The following DNAJC9 variants were observed in gnomAD, a reference collection of about 807,000 sequenced individuals.
DNAJC9 encodes the protein dnaJ homolog subfamily C member 9.
Under a neutral mutation model 32.4 loss-of-function variants are expected in DNAJC9, and 18 were observed. That is an observed-to-expected ratio of 0.56 (90% CI 0.38 to 0.82). DNAJC9 has a LOEUF of 0.82. Among genes scored for constraint, DNAJC9 ranks in the 40% least tolerant of loss-of-function variants. The pLI is 0.00. For missense variants in DNAJC9, 310 were observed against 321.8 expected (o/e 0.96, Z 0.28); for synonymous variants, 113 against 122.1 (o/e 0.93, Z 0.49).
downstream of DNAJC9, among the ~76,000 whole-genome samples, chr10:73,240,344 G>T (rs1020278627): frequency 6.6e-6 from 1 of 152,172 alleles, no homozygotes; most frequent in African/African-American, 2.4e-5. Flanking sequence ...AGCATTGTCT[G>T]GTAGTCTTTG....
chr10:73,246,423 C>A (rs563318556), intron 2 of DNAJC9, among the ~76,000 whole-genome samples: 1 of 152,024 alleles, frequency 6.6e-6, no homozygotes, highest in East Asian at 1.9e-4. Flanking sequence ...AGAGGTGATC[C>A]GGAATCAGGA....
Position 73,243,420 on chromosome 10 carries a change from G to A in DNAJC9, c.763C>T (p.Leu255Phe), listed in dbSNP as rs546048289. The A allele has an allele frequency of 7.4e-4, 1,193 of 1,613,894 alleles. 20 individuals carry two copies. The South Asian group carries it at 0.012, about 17-fold the overall frequency. ...TTCCATTATTTCTTTTCTTTCTTGA[G>A]AGCAGATTTTTTCCCTCCTCCTTTG... Reference protein sequence around the residue: ...SSKGGGKKSALKKEKK With the variant: ...SSKGGGKKSAFKKEKK Residue 255 changes from leucine (L) to phenylalanine (F), a missense_variant, in exon 5 of 5, where the codon CTC becomes TTC. Leu to Phe is a conservative substitution (Grantham distance 22). Coordinates refer to ENST00000372950, the MANE Select transcript of DNAJC9 (RefSeq NM_015190.5).
downstream of DNAJC9, among the ~76,000 whole-genome samples, chr10:73,239,794 A>C (rs904675029): frequency 6.6e-6 from 1 of 152,176 alleles, no homozygotes; most frequent in Non-Finnish European, 1.5e-5. Context: ...TTGATCAGTT[A>C]ATCTGTTAGG....
At position 73,243,192 on chromosome 10, in the gene DNAJC9, G is replaced by A. The variant is rs563701458; in HGVS notation, c.*208C>T. The A allele has an allele frequency of 5.4e-5, 30 of 550,470 alleles. No individual in the cohort carries two copies. Among genetic ancestry groups the A allele is most frequent in the Non-Finnish European group, 9.5e-5 (30 of 314,336 alleles). The allele number at this position is 550,470 out of a possible 1,614,324, so 34.1% of individuals were successfully genotyped here. On this transcript the variant is annotated 3_prime_UTR_variant, in exon 5 of 5. Coordinates refer to ENST00000372950, the MANE Select transcript of DNAJC9 (RefSeq NM_015190.5). ...CAAATGTCACCACCAAGTTCCTTCAGGTGAGACCTCACACAATGTCAAGTG... is the reference window on the plus strand; with the variant it reads ...CAAATGTCACCACCAAGTTCCTTCAAGTGAGACCTCACACAATGTCAAGTG...
At chr10:73,239,247 C>G, downstream of DNAJC9, 1 of 1,370,978 alleles carries the variant, frequency 7.3e-7, no homozygotes, top group Non-Finnish European at 1.0e-6. Context: ...TCCTGTGAAC[C>G]TGCTAAAATA....
chr10:73,233,669 G>A (rs1005360943), intron 2 of DNAJC9, among the ~76,000 whole-genome samples: 1 of 152,182 alleles, frequency 6.6e-6, no homozygotes, highest in African/African-American at 2.4e-5. Flanking sequence ...TAATGAAATA[G>A]ATATTGAATC....
downstream of DNAJC9, among the ~76,000 whole-genome samples, chr10:73,239,578 C>T (rs941893527): frequency 6.6e-6 from 1 of 151,606 alleles, no homozygotes; most frequent in Non-Finnish European, 1.5e-5. Context: ...TTCTATTGCT[C>T]AGAGCCAAAA....
chr10:73,244,118 AT>A, intron 3 of DNAJC9, 189 bp from the exon 4 acceptor site: 2 of 577,506 alleles, frequency 3.5e-6, no homozygotes, highest in Middle Eastern at 3.1e-4. Context: ...AGATCCTCTG[AT>A]TCCAATTACC....
chr10:73,234,586 C>G, downstream of DNAJC9: 1 of 476,178 alleles, frequency 2.1e-6, no homozygotes. Flanking sequence ...GAGAAAAGGC[C>G]AGCTTCTGTT....
chr10:73,233,046 C>G, intron 2 of DNAJC9: 1 of 1,551,610 alleles, frequency 6.4e-7, no homozygotes. Context: ...CTGTCATACA[C>G]AGTGCAGTCC....
rs2043959498 is a variant in DNAJC9, at chr10:73,241,975, A to C, written c.*1425T>G. 1 of 152,202 alleles carries C rather than the reference A, an allele frequency of 6.6e-6. No homozygotes were observed. The highest frequency in any genetic ancestry group is 2.4e-5 in the African/African-American group (1 of 41,460). 9.4% of individuals were successfully genotyped at this position (152,202 alleles called of 1,614,324 possible). A position where few individuals can be genotyped will look rare whatever the true frequency, so the allele number is the denominator to read the frequency against. ...ACAGTTTTAACTATGGCTTACATTTATTTTAAATTTCACTAAATACAAATC... is the reference window on the plus strand; with the variant it reads ...ACAGTTTTAACTATGGCTTACATTTCTTTTAAATTTCACTAAATACAAATC... On this transcript the variant is annotated 3_prime_UTR_variant, in exon 5 of 5. Transcript: ENST00000372950.
At chr10:73,239,190 C>T (rs1223579524), downstream of DNAJC9, 3 of 754,580 alleles carry the variant, frequency 4.0e-6, no homozygotes, top group Non-Finnish European at 6.5e-6. Context: ...TGACTTTTCC[C>T]TCAAGTTGGT....
At chr10:73,241,074 T>C (rs2043942146), downstream of DNAJC9, 4 of 984,496 alleles carry the variant, frequency 4.1e-6, no homozygotes, top group Middle Eastern at 2.0e-4. Context: ...CATGAAGCAG[T>C]ATTCAGTCAT....
downstream of DNAJC9, among the ~76,000 whole-genome samples, chr10:73,236,147 A>G (rs2043815407): frequency 6.6e-6 from 1 of 152,206 alleles, no homozygotes; most frequent in Admixed American, 6.5e-5. Flanking sequence ...TTCTTCTATG[A>G]GAAGAGTGGT....
chr10:73,234,682 T>C, downstream of DNAJC9: 1 of 961,672 alleles, frequency 1.0e-6, no homozygotes, highest in Non-Finnish European at 1.5e-6. Context: ...GATCTCTACT[T>C]GAAAACATAG....
At chr10:73,246,321 G>A in intron 2 of DNAJC9, 145 bp from the exon 3 acceptor site, 1 of 895,310 alleles carries the variant, frequency 1.1e-6, no homozygotes, top group South Asian at 1.8e-5. Context: ...CTATGCCTAA[G>A]CTTCTCCGGA....
At chr10:73,232,762 T>G (rs181164678) in intron 2 of DNAJC9, among the ~76,000 whole-genome samples, 1 of 152,366 alleles carries the variant, frequency 6.6e-6, no homozygotes, top group East Asian at 1.9e-4. Flanking sequence ...AAGAACAGAT[T>G]CTCATGCCTG....
chr10:73,242,146 A>C lies in DNAJC9; in HGVS notation c.*1254T>G, dbSNP rs1361202584. 1.3e-5 allele frequency: 2 copies of C among 152,208 alleles called. No homozygotes were observed. Among genetic ancestry groups the C allele is most frequent in the African/African-American group, 2.4e-5 (1 of 41,454 alleles). The allele number at this position is 152,208 out of a possible 1,614,324, so 9.4% of individuals were successfully genotyped here. A position where few individuals can be genotyped will look rare whatever the true frequency, so the allele number is the denominator to read the frequency against. On this transcript the variant is annotated 3_prime_UTR_variant, in exon 5 of 5. Transcript: ENST00000372950. ...TGCTTCAAACAACCTGCATTAAATT[A>C]TATTTTTAATAAAATTAAAATCTAT...
At chr10:73,238,526 T>A (rs2043874008), downstream of DNAJC9, among the ~76,000 whole-genome samples, 1 of 152,262 alleles carries the variant, frequency 6.6e-6, no homozygotes, top group Non-Finnish European at 1.5e-5. Flanking sequence ...CAAGCTCATT[T>A]ATGTGCTATC....
Sources: allele counts gnomAD v4.1 joint callset (sites outside exome capture counted in the v4.1 genomes callset), GRCh38; gene constraint gnomAD v4.1.1; transcripts MANE v1.5; gene names NCBI Gene and HGNC (gene_info 2026-07-23, HGNC 2026-07-21).